GATAD2B: variants seen among roughly 807,000 people sequenced by gnomAD.
GATAD2B encodes transcriptional repressor p66-beta.
Under a neutral mutation model 64.3 loss-of-function variants are expected in GATAD2B, and 8 were observed. The ratio of observed to expected loss-of-function variants is 0.12; its 90% confidence interval spans 0.07 to 0.22. GATAD2B has a LOEUF of 0.22. GATAD2B is among the 10% of genes least tolerant of loss of function. GATAD2B has a pLI of 1.00. For missense variants in GATAD2B, 453 were observed against 752.0 expected, an observed-to-expected ratio of 0.60 and a Z score of 4.65; for synonymous variants, 281 against 271.3, an observed-to-expected ratio of 1.04 and a Z score of -0.35.
chr1:153,807,812 C>A lies in GATAD2B; in HGVS notation c.*2365G>T, dbSNP rs1674156052. On this transcript the variant is annotated 3_prime_UTR_variant, in exon 11 of 11. Transcript: ENST00000368655. ...GTTCCTTACTTTTAATCTCAACTGA[C>A]AAACTTGGGCATCTCGTACCTCTGA... The A allele has an allele frequency of 6.6e-6, 1 of 152,562 alleles. No homozygotes were observed. Among genetic ancestry groups the A allele is most frequent in the African/African-American group, 2.4e-5 (1 of 41,408 alleles). The allele number at this position is 152,562 out of a possible 1,614,324, so 9.5% of individuals were successfully genotyped here.
intron 1 of GATAD2B, among the ~76,000 whole-genome samples, chr1:153,873,491 T>C (rs1676732362): frequency 6.6e-6 from 1 of 152,004 alleles, no homozygotes; most frequent in Admixed American, 6.6e-5. Context: ...CAAGAGTGGG[T>C]CTGTAATAAA....
At chr1:153,907,005 T>C (rs143244901) in intron 1 of GATAD2B, among the ~76,000 whole-genome samples, 1 of 152,234 alleles carries the variant, frequency 6.6e-6, no homozygotes, top group East Asian at 1.9e-4. Context: ...TAATAACAAG[T>C]GTTGGCAGGG....
chr1:153,914,021 G>A (rs1678181263), intron 1 of GATAD2B, among the ~76,000 whole-genome samples: 1 of 151,852 alleles, frequency 6.6e-6, no homozygotes, highest in South Asian at 2.1e-4. Context: ...AAGGCAGGCG[G>A]ATCACAAGGT....
At chr1:153,883,348 CA>C (rs1677064186) in intron 1 of GATAD2B, among the ~76,000 whole-genome samples, 1 of 152,172 alleles carries the variant, frequency 6.6e-6, no homozygotes, top group Non-Finnish European at 1.5e-5. Flanking sequence ...AGAAATTCAA[CA>C]ATTTACAAAC....
At chr1:153,851,606 G>T (rs1355342570) in intron 1 of GATAD2B, among the ~76,000 whole-genome samples, 1 of 151,666 alleles carries the variant, frequency 6.6e-6, no homozygotes, top group Non-Finnish European at 1.5e-5. Context: ...CAGGTCCTTT[G>T]TCCATTTTTT....
At chr1:153,831,494 A>G (rs1377746760) in intron 1 of GATAD2B, among the ~76,000 whole-genome samples, 15 of 152,150 alleles carry the variant, frequency 9.9e-5, no homozygotes, top group Admixed American at 9.2e-4. Flanking sequence ...CCCAGAACTT[A>G]AAGTAAAATA....
intron 1 of GATAD2B, among the ~76,000 whole-genome samples, chr1:153,861,809 T>TATATATATACACAC (rs1294838675): frequency 1.6e-5 from 2 of 122,188 alleles, no homozygotes; most frequent in African/African-American, 6.0e-5. Context: ...TATATATATA[T>TATATATATACACAC]ACACATATGT....
intron 1 of GATAD2B, chr1:153,852,790 T>C (rs1675948490): frequency 3.2e-6 from 3 of 938,442 alleles, no homozygotes; most frequent in East Asian, 4.8e-5. Context: ...ACTTGGCTTC[T>C]GAACCATATC....
At chr1:153,823,177 C>T (rs1674745080) in intron 2 of GATAD2B, among the ~76,000 whole-genome samples, 1 of 152,170 alleles carries the variant, frequency 6.6e-6, no homozygotes, top group South Asian at 2.1e-4. Flanking sequence ...TTTTCCTAAA[C>T]ATATATATAA....
At chr1:153,896,635 C>A (rs1677602789) in intron 1 of GATAD2B, among the ~76,000 whole-genome samples, 1 of 151,940 alleles carries the variant, frequency 6.6e-6, no homozygotes, top group Non-Finnish European at 1.5e-5. Flanking sequence ...GGGGTTTCTC[C>A]ATGTTGGTCA....
At chr1:153,811,323 C>G (rs1173920724) in intron 10 of GATAD2B, among the ~76,000 whole-genome samples, 2 of 152,152 alleles carry the variant, frequency 1.3e-5, no homozygotes, top group African/African-American at 4.8e-5. Flanking sequence ...ACAAGTGAAA[C>G]AGTGGTGAGA....
chr1:153,868,156 C>T (rs1016433449), intron 1 of GATAD2B, among the ~76,000 whole-genome samples: 1 of 151,544 alleles, frequency 6.6e-6, no homozygotes, highest in Non-Finnish European at 1.5e-5. Context: ...GAGCTGAGAT[C>T]GTGCCACTGC....
In GATAD2B at chr1:153,839,108, C is replaced by CA. The variant is rs35262137; in HGVS notation, c.-1-10761dup. On this transcript the variant is annotated intron_variant, in intron 1 of 10. Transcript: ENST00000368655. ...TGGGTGACAGAACGAGACCCTGTCT[C>CA]AAAAAAAAAAAAAAAAAAAAAAAAA... Among the ~76,000 whole-genome samples the CA allele has an allele frequency of 8.4e-3, 661 of 78,550 alleles. 41 individuals carry two copies. The highest frequency in any genetic ancestry group is 0.03 in the African/African-American group (495 of 16,248). The allele number at this position is 78,550 out of a possible 152,430, so 51.5% of individuals were successfully genotyped here. A position where few individuals can be genotyped will look rare whatever the true frequency, so the allele number is the denominator to read the frequency against.
chr1:153,810,898 G>T (rs1674270104), intron 10 of GATAD2B, among the ~76,000 whole-genome samples: 1 of 151,896 alleles, frequency 6.6e-6, no homozygotes, highest in Non-Finnish European at 1.5e-5. Flanking sequence ...CGAGTAGCTG[G>T]GATTACAGGC....
chr1:153,875,450 A>T (rs1411164277), intron 1 of GATAD2B, among the ~76,000 whole-genome samples: 1 of 152,178 alleles, frequency 6.6e-6, no homozygotes, highest in Non-Finnish European at 1.5e-5. Flanking sequence ...GCAGCCCAAG[A>T]GTTGCAGGTT....
chr1:153,908,461 C>T (rs1402883203), intron 1 of GATAD2B, among the ~76,000 whole-genome samples: 1 of 151,970 alleles, frequency 6.6e-6, no homozygotes, highest in Admixed American at 6.6e-5. Context: ...GAACCCAGGA[C>T]TTTTTGACAC....
chr1:153,894,891 G>A (rs1677536560), intron 1 of GATAD2B, among the ~76,000 whole-genome samples: 2 of 151,776 alleles, frequency 1.3e-5, no homozygotes, highest in Non-Finnish European at 2.9e-5. Context: ...GGGCGAGGTG[G>A]CTCACACCTG....
intron 2 of GATAD2B, among the ~76,000 whole-genome samples, chr1:153,820,271 CAG>C (rs1674632533): frequency 6.6e-6 from 1 of 152,028 alleles, no homozygotes; most frequent in African/African-American, 2.4e-5. Context: ...ATCTACTTAC[CAG>C]AGTTTTATCC....
At chr1:153,895,022 G>A (rs1677544522) in intron 1 of GATAD2B, among the ~76,000 whole-genome samples, 1 of 152,190 alleles carries the variant, frequency 6.6e-6, no homozygotes, top group African/African-American at 2.4e-5. Flanking sequence ...GTCAGGTGTG[G>A]TGGCACATGC....
Sources: allele counts gnomAD v4.1 joint callset (sites outside exome capture counted in the v4.1 genomes callset), GRCh38; gene constraint gnomAD v4.1.1; transcripts MANE v1.5; gene names NCBI Gene and HGNC (gene_info 2026-07-23, HGNC 2026-07-21).